TSHZ2: variants seen among roughly 807,000 people sequenced by gnomAD.
The protein encoded by TSHZ2 is teashirt zinc finger homeobox 2, also known as teashirt homolog 2.
A neutral mutation model predicts 74.4 loss-of-function variants in TSHZ2; 21 were observed. The observed-to-expected ratio is 0.28, with a 90% CI of 0.20 to 0.41. The LOEUF (loss-of-function observed/expected upper bound fraction) is 0.41. TSHZ2 is among the 10% of genes least tolerant of loss of function. The pLI, the probability that TSHZ2 is intolerant of heterozygous loss-of-function variation, is 1.00. For synonymous variants in TSHZ2, 540 were observed against 515.3 expected, an observed-to-expected ratio of 1.05 and a Z score of -0.65; for missense variants, 1,244 against 1,293.5, an observed-to-expected ratio of 0.96 and a Z score of 0.59.
chr20:53,027,490 G>T (rs1368495511), intron 1 of TSHZ2, among the ~76,000 whole-genome samples: 1 of 152,174 alleles, frequency 6.6e-6, no homozygotes, highest in Admixed American at 6.5e-5. Context: ...CCAGATAGTG[G>T]AGAGGGGAAG....
chr20:53,238,045 G>A (rs970180495), intron 1 of TSHZ2, among the ~76,000 whole-genome samples: 5 of 152,060 alleles, frequency 3.3e-5, no homozygotes, highest in Non-Finnish European at 1.5e-5. Flanking sequence ...TAGAAATAGG[G>A]TATTCTTACT....
intron 1 of TSHZ2, among the ~76,000 whole-genome samples, chr20:53,056,909 A>G (rs1984657978): frequency 6.6e-6 from 1 of 152,114 alleles, no homozygotes; most frequent in Non-Finnish European, 1.5e-5. Context: ...TCTCTCAATG[A>G]TATGGTGTGG....
At chr20:53,421,334 C>A (rs553323347) in intron 2 of TSHZ2, 2 of 166,620 alleles carry the variant, frequency 1.2e-5, no homozygotes, top group South Asian at 1.8e-4. Flanking sequence ...AGTGCTCCTG[C>A]CTTTGCAGAA....
intron 1 of TSHZ2, among the ~76,000 whole-genome samples, chr20:53,061,996 C>T (rs1327745487): frequency 6.6e-6 from 1 of 152,092 alleles, no homozygotes; most frequent in Non-Finnish European, 1.5e-5. Context: ...AGTTAAAACA[C>T]TTAAGCAAGA....
At chr20:53,445,486 T>C (rs1175448500) in intron 2 of TSHZ2, among the ~76,000 whole-genome samples, 2 of 152,228 alleles carry the variant, frequency 1.3e-5, no homozygotes, top group African/African-American at 4.8e-5. Context: ...CAGTGAGCCA[T>C]GAGCTAGTGG....
chr20:53,402,809 G>A (rs900475376), intron 2 of TSHZ2, among the ~76,000 whole-genome samples: 2 of 152,142 alleles, frequency 1.3e-5, no homozygotes, highest in Non-Finnish European at 2.9e-5. Flanking sequence ...CCCCAAGTGG[G>A]GTGGAGGAAG....
intron 1 of TSHZ2, among the ~76,000 whole-genome samples, chr20:53,158,399 G>A (rs1987847393): frequency 6.6e-6 from 1 of 152,182 alleles, no homozygotes; most frequent in South Asian, 2.1e-4. Flanking sequence ...GTGGGGGTGA[G>A]CTGGGAGCAG....
chr20:53,239,574 T>TG (rs146555194), intron 1 of TSHZ2, among the ~76,000 whole-genome samples: 2,356 of 152,152 alleles, frequency 0.015, 55 homozygotes, highest in African/African-American at 0.055. Context: ...GAGAAGACCT[T>TG]GGGGAGGAGA....
chr20:53,193,561 A>C (rs2123551708), intron 1 of TSHZ2, among the ~76,000 whole-genome samples: 1 of 152,198 alleles, frequency 6.6e-6, no homozygotes, highest in Admixed American at 6.5e-5. Flanking sequence ...CTCGTTCATC[A>C]CTGTTCCCCA....
intron 1 of TSHZ2, among the ~76,000 whole-genome samples, chr20:53,146,749 G>A (rs749965347): frequency 1.3e-5 from 2 of 152,164 alleles, no homozygotes; most frequent in Non-Finnish European, 2.9e-5. Flanking sequence ...TGTGAACAAA[G>A]AATAGTCTGT....
At chr20:53,022,561 A>G (rs1983284418) in intron 1 of TSHZ2, among the ~76,000 whole-genome samples, 2 of 152,218 alleles carry the variant, frequency 1.3e-5, no homozygotes, top group African/African-American at 2.4e-5. Context: ...AACGGGAAGC[A>G]TCTTTTAAAA....
At chr20:53,318,627 G>T (rs1387907952) in intron 2 of TSHZ2, among the ~76,000 whole-genome samples, 2 of 152,196 alleles carry the variant, frequency 1.3e-5, no homozygotes, top group Admixed American at 1.3e-4. Context: ...ACACAATGTA[G>T]CTTCCCTGGG....
chr20:53,393,773 C>T (rs1982346598), intron 2 of TSHZ2, among the ~76,000 whole-genome samples: 1 of 152,096 alleles, frequency 6.6e-6, no homozygotes, highest in Non-Finnish European at 1.5e-5. Context: ...TGTACTCCAG[C>T]TATTTAAGAT....
intron 2 of TSHZ2, among the ~76,000 whole-genome samples, chr20:53,384,529 C>T (rs1294442954): frequency 6.6e-6 from 1 of 152,154 alleles, no homozygotes; most frequent in East Asian, 1.9e-4. Flanking sequence ...TTGGGTTTGC[C>T]ATCCACTGTC....
intron 1 of TSHZ2, among the ~76,000 whole-genome samples, chr20:53,106,900 A>G (rs117126945): frequency 0.071 from 10,701 of 150,420 alleles, 440 homozygotes; most frequent in Non-Finnish European, 0.1. Context: ...GTTTCACCTT[A>G]TTGGCCGGGG....
At chr20:53,279,795 A>T (rs899547456) in intron 2 of TSHZ2, among the ~76,000 whole-genome samples, 1 of 152,208 alleles carries the variant, frequency 6.6e-6, no homozygotes, top group African/African-American at 2.4e-5. Flanking sequence ...CCTGGGTAGC[A>T]GTGGTGCTAA....
chr20:53,253,545 A>G lies in TSHZ2; in HGVS notation c.87A>G (p.Glu29=), dbSNP rs201458932. The change falls in exon 2 of 3, where the codon GAA becomes GAG. Residue 29 remains glutamate (E), a synonymous_variant. Coordinates refer to ENST00000371497, the MANE Select transcript of TSHZ2 (RefSeq NM_173485.6). ...EQLKEEEEIK[E]EEEEEDSGSV... is the part of the protein sequence containing the mutation. ...TGAAAGAAGAGGAGGAAATAAAAGA[A>G]GAGGAGGAGGAGGAGGACAGCGGTT... 7.3e-5 allele frequency: 117 copies of G among 1,613,106 alleles called. No individual in the cohort carries two copies. The highest frequency in any genetic ancestry group is 2.7e-5 in the African/African-American group (2 of 74,882).
At chr20:53,438,739 TC>T (rs1984194627) in intron 2 of TSHZ2, among the ~76,000 whole-genome samples, 2 of 152,236 alleles carry the variant, frequency 1.3e-5, no homozygotes, top group South Asian at 4.1e-4. Flanking sequence ...GGCAGGTGGA[TC>T]ATCTGAGGTC....
chr20:53,408,275 G>C (rs1001112355), intron 2 of TSHZ2, among the ~76,000 whole-genome samples: 1 of 152,150 alleles, frequency 6.6e-6, no homozygotes, highest in African/African-American at 2.4e-5. Flanking sequence ...GATGTCCCCA[G>C]CGTTCGACAC....
Sources: gnomAD v4.1 joint callset for allele counts (sites outside exome capture counted in the v4.1 genomes callset) on GRCh38, gnomAD v4.1.1 for gene constraint, MANE v1.5 for transcripts, NCBI Gene and HGNC (gene_info 2026-07-23, HGNC 2026-07-21) for gene names.